Variants in DOP1A observed in about 807,000 individuals in gnomAD.
DOP1A encodes DOP1 leucine zipper like protein A.
Under a neutral mutation model 267.6 loss-of-function variants are expected in DOP1A, and 90 were observed. The ratio of observed to expected loss-of-function variants is 0.34; its 90% CI spans 0.28 to 0.40. The LOEUF (loss-of-function observed/expected upper bound fraction) is 0.40, where lower values mean the gene tolerates loss of function less well. Ranked by LOEUF, DOP1A falls within the 10% of genes least tolerant of loss-of-function variation. The probability of loss-of-function intolerance (pLI) is 1.00; values close to 1 mark genes in which losing one functional copy is unlikely to be tolerated. For missense variants in DOP1A, 2,437 were observed against 2,900.4 expected (o/e 0.84, Z 3.67); for synonymous variants, 932 against 999.1 (o/e 0.93, Z 1.27).
downstream of DOP1A, chr6:83,169,789 A>G (rs750376119): frequency 2.2e-6 from 1 of 457,570 alleles, no homozygotes; most frequent in South Asian, 1.5e-5. Context: ...ACACACTTTA[A>G]GGAGTATGTG....
At chr6:83,169,906 A>G (rs1341746787), downstream of DOP1A, 11 of 419,020 alleles carry the variant, frequency 2.6e-5, no homozygotes, top group East Asian at 4.2e-4. Context: ...AAACAAATCA[A>G]GAGTCCAGAA....
chr6:83,124,625 C>T, intron 12 of DOP1A, 80 bp from the exon 13 acceptor site: 2 of 1,039,422 alleles, frequency 1.9e-6, no homozygotes, highest in Non-Finnish European at 3.0e-6. Flanking sequence ...ACTTGGACTT[C>T]ATTAGAAGGA....
At chr6:83,078,774 A>G (rs1207694258) in intron 1 of DOP1A, among the ~76,000 whole-genome samples, 3 of 152,288 alleles carry the variant, frequency 2.0e-5, no homozygotes, top group Admixed American at 6.5e-5. Context: ...GAGATTTTTT[A>G]CAATAATTAA....
At chr6:83,081,608 G>C (rs1768087504) in intron 1 of DOP1A, among the ~76,000 whole-genome samples, 1 of 152,112 alleles carries the variant, frequency 6.6e-6, no homozygotes, top group South Asian at 2.1e-4. Context: ...AACAAGAAAA[G>C]CTATGTGACA....
At chr6:83,084,310 AATAGGTTATACCAT>A (rs1768676816) in intron 1 of DOP1A, among the ~76,000 whole-genome samples, 1 of 152,216 alleles carries the variant, frequency 6.6e-6, no homozygotes, top group African/African-American at 2.4e-5. Context: ...GCCTAGGAGC[AATAGGTTATACCAT>A]ATAGCCAGGA....
intron 6 of DOP1A, among the ~76,000 whole-genome samples, chr6:83,110,612 G>T (rs1261329255): frequency 2.0e-5 from 3 of 152,068 alleles, no homozygotes; most frequent in Non-Finnish European, 4.4e-5. Context: ...AAAACAGATA[G>T]TGAAAGATAA....
intron 19 of DOP1A, 93 bp from the exon 20 acceptor site, chr6:83,135,526 T>C: frequency 3.7e-6 from 5 of 1,351,206 alleles, no homozygotes; most frequent in Non-Finnish European, 5.0e-6. Context: ...AAATAGTTAA[T>C]TCAAAATAAG....
intron 27 of DOP1A, 128 bp from the exon 28 acceptor site, chr6:83,151,465 A>G: frequency 1.7e-6 from 1 of 601,448 alleles, no homozygotes; most frequent in African/African-American, 1.9e-5. Flanking sequence ...TAGGATATGT[A>G]TATATATTAA....
At chr6:83,118,324 A>G (rs941473675) in intron 7 of DOP1A, among the ~76,000 whole-genome samples, 1 of 152,166 alleles carries the variant, frequency 6.6e-6, no homozygotes, top group African/African-American at 2.4e-5. Context: ...ATTGGGAAAA[A>G]AGAAAAAAAT....
chr6:83,109,669 T>C (rs1439280909), intron 5 of DOP1A, among the ~76,000 whole-genome samples: 3 of 152,240 alleles, frequency 2.0e-5, no homozygotes, highest in Non-Finnish European at 2.9e-5. Context: ...TTGATCTGTT[T>C]GGACCCTATT....
chr6:83,079,868 A>T (rs1385375265), intron 1 of DOP1A, among the ~76,000 whole-genome samples: 1 of 151,878 alleles, frequency 6.6e-6, no homozygotes, highest in Admixed American at 6.6e-5. Context: ...AAAGAAATAC[A>T]TGGTGGGATA....
At chr6:83,067,900 G>C (rs1486821396) in intron 1 of DOP1A, 121 bp downstream of exon 1, 1 of 152,440 alleles carries the variant, frequency 6.6e-6, no homozygotes, top group Non-Finnish European at 1.5e-5. Flanking sequence ...CTGTGGCGTC[G>C]GGGGTGTTGC....
chr6:83,098,622 G>A (rs1016520167), intron 3 of DOP1A, among the ~76,000 whole-genome samples: 6 of 152,160 alleles, frequency 3.9e-5, no homozygotes, highest in Non-Finnish European at 7.3e-5. Flanking sequence ...ACATTACAAA[G>A]GATACAAGTG....
intron 24 of DOP1A, among the ~76,000 whole-genome samples, chr6:83,143,319 C>G (rs1383134188): frequency 2.0e-5 from 3 of 152,152 alleles, no homozygotes; most frequent in African/African-American, 7.2e-5. Context: ...GGAGAATTAT[C>G]AGGTATATTA....
rs775487868 is a variant in DOP1A at position 83,138,462 on chromosome 6, G to A, written c.4420G>A (p.Val1474Ile). 2 of 1,612,774 alleles carry A rather than the reference G, an allele frequency of 1.2e-6. No homozygotes were observed. Among genetic ancestry groups the A allele is most frequent in the South Asian group, 1.1e-5 (1 of 91,072 alleles). ...MRSHYPTHVK[V>I]TAQDLIGNRN... is the part of the protein sequence containing the mutation. ...TAGCCATTACCCAACTCATGTCAAG[G>A]TTACTGCACAAGATTTAATAGGCAA... The change falls in exon 21 of 39, where the codon GTT becomes ATT. Residue 1474 changes from valine (V) to isoleucine (I), a missense_variant. Val to Ile is a conservative substitution (Grantham distance 29). Around this residue, in one of 9 missense-constraint regions of DOP1A, gnomAD observed 878 missense variants for 992.9 expected, o/e 0.88. Transcript: ENST00000349129.
At chr6:83,130,610 A>C (rs559674517) in intron 17 of DOP1A, among the ~76,000 whole-genome samples, 46 of 152,210 alleles carry the variant, frequency 3.0e-4, no homozygotes, top group Non-Finnish European at 4.9e-4. Context: ...GAGAAAGATA[A>C]GGATAAAGGA....
intron 33 of DOP1A, 62 bp downstream of exon 33, chr6:83,154,303 C>G (rs1352905664): frequency 1.4e-6 from 2 of 1,462,060 alleles, no homozygotes; most frequent in Non-Finnish European, 1.9e-6. Context: ...TTACTATTTA[C>G]TTGTACTCTT....
At chr6:83,135,093 T>C (rs1327503219) in intron 19 of DOP1A, among the ~76,000 whole-genome samples, 1 of 152,162 alleles carries the variant, frequency 6.6e-6, no homozygotes, top group Non-Finnish European at 1.5e-5. Context: ...AGTGAGGGAA[T>C]AGAGGTCAGG....
chr6:83,157,744 C>A (rs1436517580), intron 35 of DOP1A, among the ~76,000 whole-genome samples: 4 of 151,136 alleles, frequency 2.6e-5, no homozygotes, highest in Non-Finnish European at 5.9e-5. Context: ...GCAGCACCTA[C>A]CCCATTTAAA....
Sources: gnomAD v4.1 joint callset for allele counts (sites outside exome capture counted in the v4.1 genomes callset) on GRCh38, gnomAD v4.1.1 for gene constraint, gnomAD v4.1.1 regional missense constraint, MANE v1.5 for transcripts, NCBI Gene and HGNC (gene_info 2026-07-23, HGNC 2026-07-21) for gene names.